The following GCLM variants were observed in gnomAD, a reference collection of about 807,000 sequenced individuals.
GCLM encodes the protein glutamate--cysteine ligase regulatory subunit.
A neutral mutation model predicts 36.0 loss-of-function variants in GCLM; 15 were observed. The ratio of observed to expected loss-of-function variants is 0.42; its 90% CI spans 0.28 to 0.64. GCLM has a LOEUF of 0.64. Among genes scored for constraint, GCLM ranks in the 30% least tolerant of loss-of-function variants. GCLM has a pLI of 0.25. For missense variants in GCLM, 242 were observed against 325.5 expected (o/e 0.74, Z 1.97); for synonymous variants, 129 against 122.8 (o/e 1.05, Z -0.34).
Position 93,897,867 on chromosome 1 carries a change from T to C in GCLM, c.309A>G (p.Ser103=), listed in dbSNP as rs537895440. The C allele has an allele frequency of 1.7e-5, 27 of 1,553,708 alleles. No homozygotes were observed. In the South Asian group the frequency reaches 2.4e-4, roughly 14 times the overall value. The change falls in exon 4 of 7, where the codon TCA becomes TCG. Residue 103 remains serine (S), a synonymous_variant. Coordinates refer to ENST00000370238, the MANE Select transcript of GCLM (RefSeq NM_002061.4). ...TGTCAACTGCACTTCTAGTTGATGA[T>C]GAAGAGTTTGATTCTACAATGAACA... ...AKLFIVESNS[S]SSTRSAVDMA... is the part of the protein sequence containing the mutation.
chr1:93,893,029 G>A (rs1656592308), intron 6 of GCLM, among the ~76,000 whole-genome samples: 1 of 152,210 alleles, frequency 6.6e-6, no homozygotes, highest in Non-Finnish European at 1.5e-5. Context: ...TTACTTGATT[G>A]TGAAAGCTCT....
intron 6 of GCLM, among the ~76,000 whole-genome samples, chr1:93,890,675 GA>G (rs1193780828): frequency 2.0e-5 from 3 of 152,040 alleles, no homozygotes; most frequent in Admixed American, 6.5e-5. Flanking sequence ...AAATATGGAA[GA>G]AACAAACCGT....
chr1:93,906,760 C>CATAA, intron 1 of GCLM, among the ~76,000 whole-genome samples: 1 of 152,230 alleles, frequency 6.6e-6, no homozygotes, highest in East Asian at 1.9e-4. Flanking sequence ...TCTCTTCATT[C>CATAA]TTATAATACA....
chr1:93,895,012 C>CTTTTT (rs562917011), intron 5 of GCLM, among the ~76,000 whole-genome samples: 1 of 128,080 alleles, frequency 7.8e-6, no homozygotes, highest in Non-Finnish European at 1.7e-5. Context: ...CAGTACTACA[C>CTTTTT]TTTTTTTTTT....
intron 6 of GCLM, among the ~76,000 whole-genome samples, chr1:93,892,515 C>T (rs957456227): frequency 6.6e-6 from 1 of 151,952 alleles, no homozygotes; most frequent in African/African-American, 2.4e-5. Context: ...CAAATTAAAT[C>T]GAGAGTTGCT....
At position 93,909,103 on chromosome 1, in the gene GCLM, G is replaced by C; in HGVS notation, c.61C>G (p.Gln21Glu). The C allele has an allele frequency of 6.8e-7, 1 of 1,471,742 alleles. No individual in the cohort carries two copies. Among genetic ancestry groups the C allele is most frequent in the Non-Finnish European group, 9.0e-7 (1 of 1,116,470 alleles). The allele number at this position is 1,471,742 out of a possible 1,614,324, so 91.2% of individuals were successfully genotyped here. A position where few individuals can be genotyped will look rare whatever the true frequency, so the allele number is the denominator to read the frequency against. ...LLARARTLHL[Q>E]TGNLLNWGRL... ...CCCCAGTTCAGCAGGTTCCCCGTCT[G>C]CAGGTGCAGGGTGCGGGCCCGCGCC... The change falls in exon 1 of 7, where the codon CAG becomes GAG. Residue 21 changes from glutamine to glutamate, a missense_variant. Transcript: ENST00000370238.
At chr1:93,897,689 G>C in intron 4 of GCLM, 150 bp downstream of exon 4, 1 of 537,724 alleles carries the variant, frequency 1.9e-6, no homozygotes, top group Admixed American at 4.1e-5. Context: ...TGATTTTACA[G>C]AAGCCTTAAG....
intron 6 of GCLM, among the ~76,000 whole-genome samples, chr1:93,894,014 T>C (rs1376234537): frequency 6.6e-6 from 1 of 152,098 alleles, no homozygotes; most frequent in Non-Finnish European, 1.5e-5. Flanking sequence ...TCCCAGCACC[T>C]TGGGAGGCCG....
chr1:93,906,815 C>T (rs1480587660), intron 1 of GCLM, among the ~76,000 whole-genome samples: 1 of 152,100 alleles, frequency 6.6e-6, no homozygotes, highest in Non-Finnish European at 1.5e-5. Context: ...CTTAGCCTAC[C>T]ATTAGATCTG....
At position 93,901,591 on chromosome 1, in the gene GCLM, C is replaced by T; in HGVS notation, c.271G>A (p.Val91Ile). 1 of 1,525,534 alleles carries T rather than the reference C, an allele frequency of 6.6e-7. No homozygotes were observed. The highest frequency in any genetic ancestry group is 9.1e-7 in the Non-Finnish European group (1 of 1,102,620). 94.5% of individuals were successfully genotyped at this position (1,525,534 alleles called of 1,614,324 possible). ...AGAAAAGACTGGACTTTACCAGAAA[C>T]TTTCATTTCTTCTCTTTCATCAGGA... Reference protein sequence around the residue: ...INPDEREEMKVSAKLFIVESN... With the variant: ...INPDEREEMKISAKLFIVESN... Residue 91 changes from valine (V) to isoleucine (I), a missense_variant, in exon 3 of 7, where the codon GTT becomes ATT. Transcript: ENST00000370238.
intron 3 of GCLM, 90 bp downstream of exon 3, chr1:93,901,495 T>G (rs778604564): frequency 6.6e-6 from 5 of 756,446 alleles, no homozygotes; most frequent in Non-Finnish European, 1.2e-5. Context: ...CCACATTTAG[T>G]GTCTGAGCAA....
At chr1:93,894,957 G>A (rs898540078) in intron 5 of GCLM, among the ~76,000 whole-genome samples, 1 of 149,720 alleles carries the variant, frequency 6.7e-6, no homozygotes, top group Non-Finnish European at 1.5e-5. Context: ...TTTTCCCTAT[G>A]TAATAGGGAA....
In GCLM at chr1:93,888,418, A is replaced by G; in HGVS notation, c.*572T>C. 1 of 152,328 alleles carries G rather than the reference A, an allele frequency of 6.6e-6. No individual in the cohort carries two copies. The highest frequency in any genetic ancestry group is 1.9e-4 in the East Asian group (1 of 5,194). 9.4% of individuals were successfully genotyped at this position (152,328 alleles called of 1,614,324 possible). ...GTTAAATTATTACAGCTAAACTATA[A>G]GCAAGGACACATAAAAAAAAATTTA... On this transcript the variant is annotated 3_prime_UTR_variant, in exon 7 of 7. Transcript: ENST00000370238.
At chr1:93,907,351 G>A (rs965991436) in intron 1 of GCLM, among the ~76,000 whole-genome samples, 9 of 152,176 alleles carry the variant, frequency 5.9e-5, no homozygotes, top group Non-Finnish European at 8.8e-5. Context: ...TTTACAAACT[G>A]TGGTGTGTGA....
chr1:93,904,948 C>T (rs1490488251), intron 1 of GCLM, among the ~76,000 whole-genome samples: 3 of 151,964 alleles, frequency 2.0e-5, no homozygotes, highest in African/African-American at 4.8e-5. Flanking sequence ...CTGAGGGGGG[C>T]AAATCACTTG....
intron 1 of GCLM, among the ~76,000 whole-genome samples, chr1:93,907,835 A>AC (rs1657200221): frequency 6.6e-6 from 1 of 152,210 alleles, no homozygotes; most frequent in Admixed American, 6.5e-5. Flanking sequence ...TGACCCCAAC[A>AC]ACAGGCCTGG....
chr1:93,904,528 C>G lies in GCLM; in HGVS notation c.187G>C (p.Val63Leu). 1 of 1,604,398 alleles carries G rather than the reference C, an allele frequency of 6.2e-7. No individual in the cohort carries two copies. The highest frequency in any genetic ancestry group is 1.1e-5 in the South Asian group (1 of 90,874). Residue 63 changes from valine to leucine, a missense_variant, in exon 2 of 7, where the codon GTC becomes CTC. Coordinates refer to ENST00000370238, the MANE Select transcript of GCLM (RefSeq NM_002061.4). Reference sequence around the variant, plus strand: ...TGCATTCACATTTCACTTACCCTGACCAAATCTGGGTTGATTTGGGAACTC... The same window carrying G: ...TGCATTCACATTTCACTTACCCTGAGCAAATCTGGGTTGATTTGGGAACTC... ...EWSSQINPDL[V>L]REFPDVLECT...
At chr1:93,903,514 C>T (rs908159578) in intron 2 of GCLM, among the ~76,000 whole-genome samples, 2 of 136,316 alleles carry the variant, frequency 1.5e-5, no homozygotes, top group East Asian at 2.1e-4. Flanking sequence ...CATGGGGTTT[C>T]GCCATGTTGG....
chr1:93,897,501 C>G (rs1011020829), intron 4 of GCLM, among the ~76,000 whole-genome samples: 6 of 150,098 alleles, frequency 4.0e-5, no homozygotes, highest in Non-Finnish European at 4.4e-5. Flanking sequence ...AACAGATATA[C>G]TTGGATTTTT....
Sources: gnomAD v4.1 joint callset for allele counts (sites outside exome capture counted in the v4.1 genomes callset) on GRCh38, gnomAD v4.1.1 for gene constraint, MANE v1.5 for transcripts, NCBI Gene and HGNC (gene_info 2026-07-23, HGNC 2026-07-21) for gene names.